Variants in SPHKAP observed in about 807,000 individuals in gnomAD.
The protein encoded by SPHKAP is SPHK1 interactor, AKAP domain containing.
A neutral mutation model predicts 137.5 loss-of-function variants in SPHKAP; 67 were observed. The observed-to-expected ratio is 0.49, with a 90% CI of 0.40 to 0.60. The LOEUF (loss-of-function observed/expected upper bound fraction) is 0.60, where lower values mean the gene tolerates loss of function less well. Among genes scored for constraint, SPHKAP ranks in the 20% least tolerant of loss-of-function variants. SPHKAP has a pLI of 0.00. For missense variants in SPHKAP, 2,097 were observed against 2,069.3 expected (o/e 1.01, Z -0.26); for synonymous variants, 813 against 785.3 (o/e 1.04, Z -0.59).
chr2:228,078,948 C>A (rs1366571460), intron 3 of SPHKAP, among the ~76,000 whole-genome samples: 2 of 152,314 alleles, frequency 1.3e-5, no homozygotes, highest in Non-Finnish European at 1.5e-5. Flanking sequence ...TGGCAGGATC[C>A]CCCAGCCCCA....
At chr2:228,180,019 T>A (rs1700851982) in intron 1 of SPHKAP, among the ~76,000 whole-genome samples, 1 of 152,172 alleles carries the variant, frequency 6.6e-6, no homozygotes, top group African/African-American at 2.4e-5. Context: ...AAAGTGAGCT[T>A]CCAATTTACA....
intron 7 of SPHKAP, among the ~76,000 whole-genome samples, chr2:227,999,520 T>C (rs1693768299): frequency 6.6e-6 from 1 of 152,218 alleles, no homozygotes; most frequent in Non-Finnish European, 1.5e-5. Context: ...TGGACCAATT[T>C]CTTATTAAGT....
chr2:228,043,979 A>G (rs537831421), intron 3 of SPHKAP, among the ~76,000 whole-genome samples: 8 of 152,200 alleles, frequency 5.3e-5, no homozygotes, highest in Non-Finnish European at 1.2e-4. Flanking sequence ...ATTTTAGAAT[A>G]GATAAAAGAT....
chr2:228,070,417 A>G (rs1696969579), intron 3 of SPHKAP, among the ~76,000 whole-genome samples: 1 of 152,148 alleles, frequency 6.6e-6, no homozygotes, highest in African/African-American at 2.4e-5. Context: ...GGAAATGCAT[A>G]GTAAATTCTG....
chr2:228,110,032 C>T (rs1212946131), intron 2 of SPHKAP, among the ~76,000 whole-genome samples: 3 of 142,288 alleles, frequency 2.1e-5, no homozygotes, highest in African/African-American at 7.8e-5. Flanking sequence ...CAGTGCTTTT[C>T]TGGTACCCTC....
intron 3 of SPHKAP, among the ~76,000 whole-genome samples, chr2:228,082,752 C>A (rs754206378): frequency 2.6e-5 from 4 of 152,198 alleles, no homozygotes; most frequent in Admixed American, 6.5e-5. Context: ...TTGCATCATT[C>A]AAGTTAGCCT....
At chr2:228,054,224 G>A (rs1329292253) in intron 3 of SPHKAP, among the ~76,000 whole-genome samples, 2 of 152,136 alleles carry the variant, frequency 1.3e-5, no homozygotes, top group African/African-American at 4.8e-5. Context: ...AAAGGAAGGA[G>A]TGGTCAAAAA....
chr2:228,094,710 G>C (rs1327143247), intron 3 of SPHKAP, among the ~76,000 whole-genome samples: 1 of 152,154 alleles, frequency 6.6e-6, no homozygotes. Flanking sequence ...CCATGGTCTT[G>C]AATTAGATAC....
chr2:228,023,548 G>A (rs1694918548), intron 5 of SPHKAP, among the ~76,000 whole-genome samples: 1 of 152,236 alleles, frequency 6.6e-6, no homozygotes, highest in Admixed American at 6.5e-5. Context: ...AGAGTAAGCA[G>A]AAGTTGGCTT....
In SPHKAP at chr2:228,017,133, C is replaced by T. The variant is rs1395850068; in HGVS notation, c.3721G>A (p.Asp1241Asn). 1.2e-6 allele frequency: 2 copies of T among 1,614,030 alleles called. No individual in the cohort carries two copies. Among genetic ancestry groups the T allele is most frequent in the South Asian group, 1.1e-5 (1 of 91,080 alleles). Residue 1241 changes from aspartate to asparagine, a missense_variant, in exon 7 of 12, where the codon GAC becomes AAC. Physicochemically the swap from Asp to Asn is conservative, Grantham distance 23 (BLOSUM62 1). Coordinates refer to ENST00000392056, the MANE Select transcript of SPHKAP (RefSeq NM_001142644.2). ...PVCHRQSSMP[D>N]SRSPCSRLTV... ...AGCCTGGAGCATGGGGATCTGCTGT[C>T]TGGCATGGACGACTGTCTGTGGCAC... is the stretch of plus-strand genomic sequence containing the variant.
At chr2:228,064,959 T>A (rs563047604) in intron 3 of SPHKAP, among the ~76,000 whole-genome samples, 1 of 152,328 alleles carries the variant, frequency 6.6e-6, no homozygotes, top group Admixed American at 6.5e-5. Context: ...CCTTGAAGGA[T>A]GGGGTACATT....
chr2:228,038,552 C>T (rs13389184), intron 3 of SPHKAP, among the ~76,000 whole-genome samples: 58,082 of 152,080 alleles, frequency 0.38, 11,550 homozygotes, highest in South Asian at 0.51. Context: ...ATTGCATTCT[C>T]TGTAAAATGC....
chr2:228,065,420 G>A (rs141482038), intron 3 of SPHKAP, among the ~76,000 whole-genome samples: 2 of 152,306 alleles, frequency 1.3e-5, no homozygotes, highest in East Asian at 3.9e-4. Context: ...TGATAAACTT[G>A]GCAAAGAGCA....
At chr2:228,163,823 C>T (rs767611140) in intron 1 of SPHKAP, among the ~76,000 whole-genome samples, 1 of 152,174 alleles carries the variant, frequency 6.6e-6, no homozygotes, top group Non-Finnish European at 1.5e-5. Flanking sequence ...ACAGCTGCCA[C>T]TTTTGAATAA....
At chr2:228,089,909 C>T (rs573146057) in intron 3 of SPHKAP, among the ~76,000 whole-genome samples, 68 of 152,264 alleles carry the variant, frequency 4.5e-4, no homozygotes, top group African/African-American at 1.6e-3. Context: ...AGCCTGGGTA[C>T]CCAGAGGCAG....
At chr2:228,143,797 T>C (rs991218550) in intron 1 of SPHKAP, among the ~76,000 whole-genome samples, 11 of 150,522 alleles carry the variant, frequency 7.3e-5, no homozygotes, top group Admixed American at 1.3e-4. Flanking sequence ...TGAGCCACCA[T>C]GCCCAGCCAT....
Position 227,998,290 on chromosome 2 carries a change from G to A in SPHKAP, c.4449-2596C>T, listed in dbSNP as rs1295857406. Among the ~76,000 whole-genome samples, 13 of 152,252 alleles carry A rather than the reference G, an allele frequency of 8.5e-5. No homozygotes were observed. In the East Asian group the frequency reaches 2.3e-3, roughly 27 times the overall value. On this transcript the variant is annotated intron_variant, in intron 7 of 11. Transcript: ENST00000392056. ...TGGGATTACAGGCATGAGCCACTGC[G>A]CCCGGCCTTTAGGGTTAATATTCAA...
Position 228,019,215 on chromosome 2 carries a change from G to A in SPHKAP, c.1639C>T (p.Pro547Ser). The A allele has an allele frequency of 6.2e-7, 1 of 1,613,840 alleles. No homozygotes were observed. Residue 547 changes from proline (P) to serine (S), a missense_variant, in exon 7 of 12, where the codon CCT (proline) becomes TCT (serine). Physicochemically the swap from Pro to Ser is moderately conservative, Grantham distance 74. Transcript: ENST00000392056. The stretch of plus-strand genomic sequence containing the variant: ...GGAAAGGAGTACTCATTGATGGAAG[G>A]TTCCTTGAGTCCTTGGGGTGCTTGA... ...QTQAPQGLKE[P>S]SINEYSFPSA...
intron 1 of SPHKAP, among the ~76,000 whole-genome samples, chr2:228,162,175 A>T (rs1411208595): frequency 6.6e-6 from 1 of 152,184 alleles, no homozygotes; most frequent in African/African-American, 2.4e-5. Context: ...TCAGAGGCTG[A>T]GGTTTGCTGC....
Sources: gnomAD v4.1 joint callset for allele counts (sites outside exome capture counted in the v4.1 genomes callset) on GRCh38, gnomAD v4.1.1 for gene constraint, MANE v1.5 for transcripts, NCBI Gene and HGNC (gene_info 2026-07-23, HGNC 2026-07-21) for gene names.